The following NTRK1 variants were observed in gnomAD, a reference collection of about 807,000 sequenced individuals.
NTRK1 encodes high affinity nerve growth factor receptor.
In NTRK1, 62 loss-of-function variants were observed where a neutral mutation model predicts 86.8. That is an observed-to-expected ratio of 0.71 (90% CI 0.58 to 0.88). The LOEUF (loss-of-function observed/expected upper bound fraction) is 0.88, where lower values mean the gene tolerates loss of function less well. Among genes scored for constraint, NTRK1 ranks in the 40% least tolerant of loss-of-function variants. NTRK1 has a pLI of 0.00. For missense variants in NTRK1, 967 were observed against 1,078.4 expected, an observed-to-expected ratio of 0.90 and a Z score of 1.45; for synonymous variants, 469 against 456.6, an observed-to-expected ratio of 1.03 and a Z score of -0.35.
chr1:156,875,088 C>A (rs1647818807), intron 11 of NTRK1, 80 bp downstream of exon 11: 1 of 1,062,254 alleles, frequency 9.4e-7, no homozygotes, highest in South Asian at 1.3e-5. Context: ...GACTCTGTCT[C>A]TGGGGGGCTG....
Position 156,821,432 on chromosome 1 carries a change from T to G in NTRK1, c.-64+5594T>G, listed in dbSNP as rs1024212689. 8.6e-5 allele frequency among the ~76,000 whole-genome samples: 13 copies of G among 151,370 alleles called. No individual in the cohort carries two copies. The East Asian group carries it at 1.7e-3, about 20-fold the overall frequency. ...TAGGCTGGTGCTACGGGAACCCCCC[T>G]CAGAGGCCCCCTAATTTAGCCTGTG... On this transcript the variant is annotated intron_variant, in intron 1 of 16. Coordinates refer to the NTRK1 transcript ENST00000392302.
At chr1:156,857,751 C>A (rs1442756655), upstream of NTRK1, among the ~76,000 whole-genome samples, 1 of 152,232 alleles carries the variant, frequency 6.6e-6, no homozygotes, top group African/African-American at 2.4e-5. Flanking sequence ...CTCGGGCAAG[C>A]ACAGAGTCTG....
At chr1:156,832,549 G>A (rs1032189934) in intron 1 of NTRK1, among the ~76,000 whole-genome samples, 2 of 152,186 alleles carry the variant, frequency 1.3e-5, no homozygotes, top group African/African-American at 2.4e-5. Context: ...GGGAGAGGTG[G>A]AGGAGAGTGG....
intron 2 of NTRK1, among the ~76,000 whole-genome samples, chr1:156,848,076 G>A (rs1655073105): frequency 6.6e-6 from 1 of 152,010 alleles, no homozygotes; most frequent in South Asian, 2.1e-4. Flanking sequence ...TGGGGGGCGA[G>A]GCCCAGGAAT....
chr1:156,822,609 G>GA (rs35686944), intron 1 of NTRK1, among the ~76,000 whole-genome samples: 1,922 of 81,198 alleles, frequency 0.024, 25 homozygotes, highest in Middle Eastern at 0.034. Context: ...TAAAAGATTA[G>GA]AAAAAAAAAA....
At chr1:156,841,598 T>C (rs1654786023) in intron 1 of NTRK1, 1 of 1,609,114 alleles carries the variant, frequency 6.2e-7, no homozygotes, top group East Asian at 2.2e-5. Context: ...GGGATGGGGG[T>C]GTTCCAGGCC....
At chr1:156,845,516 C>T in intron 2 of NTRK1, 1 of 1,480,064 alleles carries the variant, frequency 6.8e-7, no homozygotes, top group South Asian at 1.4e-5. Flanking sequence ...GGGACCCGCC[C>T]ACACAAGCAA....
rs565257470 is a variant in NTRK1 at position 156,868,636 on chromosome 1, G to A, written c.706G>A (p.Ala236Thr). 1 of 1,550,874 alleles carries A rather than the reference G, an allele frequency of 6.4e-7. No individual in the cohort carries two copies. The highest frequency in any genetic ancestry group is 2.4e-5 in the East Asian group (1 of 40,918). ...GATCCTCACAGAGCTGGAGCAGTCA[G>A]CCACGGTGATGGTGAGAAGACCTTC... ...GWILTELEQS[A>T]TVMKSGGLPS... Residue 236 changes from alanine (A) to threonine (T), a missense_variant, in exon 6 of 17, where the codon GCC (alanine) becomes ACC (threonine). Ala to Thr is a moderately conservative substitution (Grantham distance 58). Transcript: ENST00000524377.
chr1:156,871,936 C>G (rs1278012536), intron 7 of NTRK1, among the ~76,000 whole-genome samples, 181 bp downstream of exon 7: 1 of 152,184 alleles, frequency 6.6e-6, no homozygotes, highest in Non-Finnish European at 1.5e-5. Context: ...GGGGTCTTGT[C>G]AAGGCCAGAG....
intron 2 of NTRK1, chr1:156,844,467 C>T: frequency 6.2e-7 from 1 of 1,613,218 alleles, no homozygotes. Context: ...TATACCTGGG[C>T]CAAGGATGTA....
At chr1:156,852,477 G>A (rs1225867382) in intron 2 of NTRK1, among the ~76,000 whole-genome samples, 1 of 152,246 alleles carries the variant, frequency 6.6e-6, no homozygotes, top group African/African-American at 2.4e-5. Flanking sequence ...TCTCCAGCCT[G>A]CTGTCCTGTC....
At chr1:156,874,097 CTGT>C in intron 8 of NTRK1, 138 bp downstream of exon 8, 2 of 946,576 alleles carry the variant, frequency 2.1e-6, no homozygotes, top group Non-Finnish European at 3.2e-6. Flanking sequence ...TGGTGTCCCG[CTGT>C]TCTGGCCTCC....
At chr1:156,861,905 T>C (rs1375236481) in intron 1 of NTRK1, among the ~76,000 whole-genome samples, 1 of 152,204 alleles carries the variant, frequency 6.6e-6, no homozygotes, top group Non-Finnish European at 1.5e-5. Context: ...AGGAATTGGT[T>C]ACAAAATACT....
rs17425863 is a variant in NTRK1 at position 156,875,072 on chromosome 1, C to T, written c.1354+64C>T. On this transcript the variant is annotated intron_variant, in intron 11 of 16. Coordinates refer to ENST00000524377, the MANE Select transcript of NTRK1 (RefSeq NM_002529.4). The stretch of plus-strand genomic sequence containing the variant: ...CTCCTGGCTTTGTTTCCTACTGGCT[C>T]TTCCTGACTCTGTCTCTGGGGGGCT... The T allele has an allele frequency of 5.1e-6, 6 of 1,180,812 alleles. No homozygotes were observed. The South Asian group carries it at 7.3e-5, about 14-fold the overall frequency. 73.1% of individuals were successfully genotyped at this position (1,180,812 alleles called of 1,614,324 possible).
At chr1:156,850,534 CTTTTTTTTTTTT>C (rs35237064) in intron 2 of NTRK1, among the ~76,000 whole-genome samples, 46 of 58,636 alleles carry the variant, frequency 7.8e-4, no homozygotes, top group Non-Finnish European at 1.1e-3. Context: ...TTAAAACATT[CTTTTTTTTTTTT>C]TTTTTTTTTT....
At chr1:156,875,791 A>G (rs1647869161) in intron 12 of NTRK1, 125 bp downstream of exon 12, 2 of 1,378,298 alleles carry the variant, frequency 1.5e-6, no homozygotes, top group East Asian at 2.5e-5. Flanking sequence ...CCCCAGCCCT[A>G]TTCCAGCCAT....
chr1:156,843,260 C>G, intron 2 of NTRK1: 1 of 1,606,078 alleles, frequency 6.2e-7, no homozygotes, highest in Non-Finnish European at 8.5e-7. Flanking sequence ...GGTCACAAAG[C>G]GAGGATGCTG....
chr1:156,841,617 G>C, intron 1 of NTRK1: 8 of 1,609,878 alleles, frequency 5.0e-6, no homozygotes, highest in Middle Eastern at 1.7e-4. Flanking sequence ...CCCCTCCCCA[G>C]ATCCCGCCTC....
chr1:156,870,269 T>C (rs1647475329), intron 6 of NTRK1, among the ~76,000 whole-genome samples: 1 of 152,198 alleles, frequency 6.6e-6, no homozygotes, highest in Non-Finnish European at 1.5e-5. Flanking sequence ...CACTCCCTAC[T>C]GGGCACAGTG....
Sources: allele counts gnomAD v4.1 joint callset (sites outside exome capture counted in the v4.1 genomes callset), GRCh38; gene constraint gnomAD v4.1.1; transcripts MANE v1.5; gene names NCBI Gene and HGNC (gene_info 2026-07-23, HGNC 2026-07-21).